Variants in PPP1R14C observed in about 807,000 individuals in gnomAD.
The protein encoded by PPP1R14C is protein phosphatase 1 regulatory subunit 14C.
PPP1R14C carries 16 observed loss-of-function variants against 20.4 expected under a neutral mutation model. That is an observed-to-expected ratio of 0.78 (90% CI 0.53 to 1.19). The LOEUF (loss-of-function observed/expected upper bound fraction) is 1.19, where lower values mean the gene tolerates loss of function less well. Among genes scored for constraint, PPP1R14C ranks in the 50% most tolerant of loss-of-function variants. PPP1R14C has a pLI of 0.00. For missense variants in PPP1R14C, 211 were observed against 220.1 expected (o/e 0.96, Z 0.26); for synonymous variants, 91 against 91.0 (o/e 1.00, Z 0.00).
chr6:150,143,576 A>G lies in PPP1R14C; in HGVS notation c.306+78A>G. The G allele has an allele frequency of 2.8e-6, 3 of 1,066,550 alleles. No individual in the cohort carries two copies. Among genetic ancestry groups the G allele is most frequent in the East Asian group, 3.1e-5 (1 of 32,026 alleles). The allele number at this position is 1,066,550 out of a possible 1,614,324, so 66.1% of individuals were successfully genotyped here. ...CCGCGCAGTAATTTTCCCGGGCTCC[A>G]GCTCCGGGGCGCGCATGTCCCTGAC... is the stretch of plus-strand genomic sequence containing the variant. On this transcript the variant is annotated intron_variant, in intron 1 of 3. Coordinates refer to ENST00000361131, the MANE Select transcript of PPP1R14C (RefSeq NM_030949.3). The surrounding 1 kb of genome is among the most constrained non-coding windows in gnomAD (Gnocchi z 5.6).
intron 1 of PPP1R14C, among the ~76,000 whole-genome samples, chr6:150,199,378 C>G (rs1023377397): frequency 1.3e-5 from 2 of 152,122 alleles, no homozygotes; most frequent in African/African-American, 4.8e-5. Context: ...TCTGAGAGCT[C>G]CTCCCTCATG....
chr6:150,195,814 A>G, intron 1 of PPP1R14C: 1 of 985,016 alleles, frequency 1.0e-6, no homozygotes, highest in Non-Finnish European at 1.2e-6. Flanking sequence ...CACTGTGCCC[A>G]TTCTTGATGG....
chr6:150,235,997 A>G (rs1226024597), intron 3 of PPP1R14C, among the ~76,000 whole-genome samples: 4 of 152,192 alleles, frequency 2.6e-5, no homozygotes, highest in African/African-American at 4.8e-5. Flanking sequence ...TAATTAGACT[A>G]TAATTACCTA....
Position 150,143,525 on chromosome 6 carries a change from C to A in PPP1R14C, c.306+27C>A. ...TACCTGGGCGCGGGGCTGGGAGGGTCGGGGACCTCTCTAGCTCCTCTGTGC... is the reference window on the plus strand; with the variant it reads ...TACCTGGGCGCGGGGCTGGGAGGGTAGGGGACCTCTCTAGCTCCTCTGTGC... On this transcript the variant is annotated intron_variant, in intron 1 of 3. Transcript: ENST00000361131. This position sits in a 1 kb window ranked among gnomAD's most constrained non-coding sequence, Gnocchi z 5.6. 2 of 603,246 alleles carry A rather than the reference C, an allele frequency of 3.3e-6. No individual in the cohort carries two copies. Among genetic ancestry groups the A allele is most frequent in the South Asian group, 1.5e-5 (1 of 65,806 alleles). The allele number at this position is 603,246 out of a possible 1,614,324, so 37.4% of individuals were successfully genotyped here. A position where few individuals can be genotyped will look rare whatever the true frequency, so the allele number is the denominator to read the frequency against.
intron 1 of PPP1R14C, chr6:150,196,020 G>C: frequency 1.0e-6 from 1 of 985,408 alleles, no homozygotes; most frequent in Non-Finnish European, 1.2e-6. Context: ...TCAGTGAGTG[G>C]GGGACTGGGA....
At chr6:150,209,669 G>T (rs560214564) in intron 1 of PPP1R14C, among the ~76,000 whole-genome samples, 1 of 150,190 alleles carries the variant, frequency 6.7e-6, no homozygotes, top group African/African-American at 2.5e-5. Context: ...TATTCACATG[G>T]AGTGTATGTT....
At chr6:150,175,707 T>C (rs988882064) in intron 1 of PPP1R14C, among the ~76,000 whole-genome samples, 3 of 152,198 alleles carry the variant, frequency 2.0e-5, no homozygotes, top group Non-Finnish European at 4.4e-5. Context: ...GGCTTAATCA[T>C]TTGACAGTAT....
In PPP1R14C at chr6:150,143,283, G is replaced by C. The variant is rs768361007; in HGVS notation, c.91G>C (p.Gly31Arg). Residue 31 changes from glycine (G) to arginine (R), a missense_variant, in exon 1 of 4, where the codon GGT becomes CGT. Physicochemically the swap from Gly to Arg is moderately radical, Grantham distance 125. Coordinates refer to ENST00000361131, the MANE Select transcript of PPP1R14C (RefSeq NM_030949.3). The surrounding 1 kb of genome is among the most constrained non-coding windows in gnomAD (Gnocchi z 5.6). ...CTTCCAAAGCCCCCGGGGTGGCGCC[G>C]GTGGCAGCCCCGGCTCCAGCAGCGG... ...VFFQSPRGGA[G>R]GSPGSSSGSG... is the part of the protein sequence containing the mutation. 3 of 1,539,494 alleles carry C rather than the reference G, an allele frequency of 1.9e-6. No homozygotes were observed. Among genetic ancestry groups the C allele is most frequent in the East Asian group, 2.6e-5 (1 of 38,288 alleles).
At position 150,202,299 on chromosome 6, in the gene PPP1R14C, G is replaced by A. The variant is rs149501385; in HGVS notation, c.307-12445G>A. The stretch of plus-strand genomic sequence containing the variant: ...CTCCCCTGTACCCCCACTCTGTCAC[G>A]CAGGCTGGGTCCCACGGAAGAGGCA... On this transcript the variant is annotated intron_variant, in intron 1 of 3. Coordinates refer to ENST00000361131, the MANE Select transcript of PPP1R14C (RefSeq NM_030949.3). 4.2e-4 allele frequency among the ~76,000 whole-genome samples: 64 copies of A among 152,292 alleles called. 1 individual carries two copies. The East Asian group carries it at 0.011, about 26-fold the overall frequency.
intron 1 of PPP1R14C, among the ~76,000 whole-genome samples, chr6:150,198,328 G>A (rs1777834157): frequency 6.6e-6 from 1 of 150,638 alleles, no homozygotes; most frequent in Non-Finnish European, 1.5e-5. Context: ...TGGATGCCCG[G>A]CTTTGTGTGC....
chr6:150,180,620 C>G (rs1410269320), intron 1 of PPP1R14C, among the ~76,000 whole-genome samples: 1 of 152,146 alleles, frequency 6.6e-6, no homozygotes, highest in Non-Finnish European at 1.5e-5. Flanking sequence ...TCAGTGTTGT[C>G]ATAGCTGTTC....
Position 150,143,480 on chromosome 6 carries a change from T to G in PPP1R14C, c.288T>G (p.Gly96=), listed in dbSNP as rs1777147220. The part of the protein sequence containing the change: ...VLEEWIVEQL[G]QLYGCEEEEM... ...AGGAATGGATCGTGGAGCAGCTGGG[T>G]CAGCTCTACGGCTGCGAGGTACCTG... Residue 96 remains glycine (G), a synonymous_variant, in exon 1 of 4, where the codon GGT becomes GGG. Coordinates refer to ENST00000361131, the MANE Select transcript of PPP1R14C (RefSeq NM_030949.3). The surrounding 1 kb of genome is among the most constrained non-coding windows in gnomAD (Gnocchi z 5.6). 3.2e-6 allele frequency: 5 copies of G among 1,566,060 alleles called. No individual in the cohort carries two copies. Among genetic ancestry groups the G allele is most frequent in the Non-Finnish European group, 4.3e-6 (5 of 1,151,426 alleles).
At chr6:150,245,887 C>T (rs1337313221) in intron 3 of PPP1R14C, among the ~76,000 whole-genome samples, 1 of 151,924 alleles carries the variant, frequency 6.6e-6, no homozygotes, top group Admixed American at 6.6e-5. Flanking sequence ...GACTGAGCAC[C>T]CCATTATGCA....
chr6:150,194,859 A>G, intron 1 of PPP1R14C: 2 of 985,428 alleles, frequency 2.0e-6, no homozygotes, highest in Non-Finnish European at 2.4e-6. Flanking sequence ...GTACTTACAC[A>G]TGTTGAATAC....
chr6:150,214,656 GTTGT>G, intron 1 of PPP1R14C, 84 bp from the exon 2 acceptor site: 1 of 895,290 alleles, frequency 1.1e-6, no homozygotes, highest in Non-Finnish European at 1.8e-6. Context: ...TGATGATCTA[GTTGT>G]TTGTTCAACT....
chr6:150,228,554 GT>G (rs1778256075), intron 3 of PPP1R14C, among the ~76,000 whole-genome samples: 1 of 152,192 alleles, frequency 6.6e-6, no homozygotes, highest in African/African-American at 2.4e-5. Context: ...GGAGTCCAGA[GT>G]TTTTACTGGG....
At chr6:150,219,903 T>A (rs1282267800) in intron 3 of PPP1R14C, among the ~76,000 whole-genome samples, 14 of 152,158 alleles carry the variant, frequency 9.2e-5, no homozygotes, top group Admixed American at 9.2e-4. Flanking sequence ...CACCCCAGGC[T>A]GGGGTGCAGT....
chr6:150,187,173 A>T (rs969629325), intron 1 of PPP1R14C, among the ~76,000 whole-genome samples: 1 of 150,984 alleles, frequency 6.6e-6, no homozygotes, highest in African/African-American at 2.4e-5. Context: ...ACAAGATTTC[A>T]TTCACCATGT....
chr6:150,190,088 G>A (rs1183228061), intron 1 of PPP1R14C, among the ~76,000 whole-genome samples: 2 of 152,028 alleles, frequency 1.3e-5, no homozygotes, highest in Admixed American at 1.3e-4. Context: ...CCTGACCCAG[G>A]GCAAACCATG....
Sources: gnomAD v4.1 joint callset for allele counts (sites outside exome capture counted in the v4.1 genomes callset) on GRCh38, gnomAD v4.1.1 for gene constraint, Gnocchi (gnomAD v3.1) non-coding constraint, MANE v1.5 for transcripts, NCBI Gene and HGNC (gene_info 2026-07-23, HGNC 2026-07-21) for gene names.